The following GPCPD1 variants were observed in gnomAD, a reference collection of about 807,000 sequenced individuals.
GPCPD1 encodes glycerophosphocholine phosphodiesterase GPCPD1.
In GPCPD1, 29 loss-of-function variants were observed where a neutral mutation model predicts 89.2. That is an observed-to-expected ratio of 0.33 (90% CI 0.24 to 0.44). The LOEUF (loss-of-function observed/expected upper bound fraction) is 0.44, where lower values mean the gene tolerates loss of function less well. Among genes scored for constraint, GPCPD1 ranks in the 20% least tolerant of loss-of-function variants. The probability of loss-of-function intolerance (pLI) is 1.00; values close to 1 mark genes in which losing one functional copy is unlikely to be tolerated. For synonymous variants in GPCPD1, 258 were observed against 266.3 expected, an observed-to-expected ratio of 0.97 and a Z score of 0.30; for missense variants, 594 against 808.9, an observed-to-expected ratio of 0.73 and a Z score of 3.22.
At chr20:5,568,708 C>T (rs1198615882) in intron 12 of GPCPD1, among the ~76,000 whole-genome samples, 1 of 152,060 alleles carries the variant, frequency 6.6e-6, no homozygotes, top group African/African-American at 2.4e-5. Context: ...AGTTTGAGAC[C>T]AGCCTGGCCA....
intron 1 of GPCPD1, among the ~76,000 whole-genome samples, chr20:5,608,260 G>A (rs1408038430): frequency 1.3e-5 from 2 of 152,134 alleles, no homozygotes; most frequent in Non-Finnish European, 2.9e-5. Context: ...GTAAACAGCT[G>A]CAGTAAATGT....
chr20:5,572,805 T>TA (rs746196541), intron 11 of GPCPD1, among the ~76,000 whole-genome samples: 59 of 92,966 alleles, frequency 6.3e-4, no homozygotes, highest in South Asian at 2.6e-3. Flanking sequence ...CTAACTGGAT[T>TA]AAAAAAAAAA....
At position 5,576,419 on chromosome 20, in the gene GPCPD1, C is replaced by CAA. The variant is rs11286776; in HGVS notation, c.706-443_706-442dup. ...TGGACAACAGAGCAACACTCCATCTCAAAAAAAAAAAAAAAAAAAAATTCA... is the reference window on the plus strand; with the variant it reads ...TGGACAACAGAGCAACACTCCATCTCAAAAAAAAAAAAAAAAAAAAAAATTCA... On this transcript the variant is annotated intron_variant, in intron 8 of 19. Transcript: ENST00000379019. Among the ~76,000 whole-genome samples the CAA allele has an allele frequency of 7.9e-3, 720 of 90,716 alleles. 4 individuals carry two copies. The highest frequency in any genetic ancestry group is 0.011 in the Non-Finnish European group (533 of 46,684). 59.5% of individuals were successfully genotyped at this position (90,716 alleles called of 152,430 possible).
At position 5,555,089 on chromosome 20, in the gene GPCPD1, T is replaced by C. The variant is rs557309446; in HGVS notation, c.1829+2856A>G. Among the ~76,000 whole-genome samples the C allele has an allele frequency of 4.6e-5, 7 of 152,302 alleles. No individual in the cohort carries two copies. The South Asian group carries it at 1.4e-3, about 32-fold the overall frequency. ...TTAACAGACGAGGAGTTGCTTCTTATGGATGAGGAAAGAAAATGGTTTTTT... is the reference window on the plus strand; with the variant it reads ...TTAACAGACGAGGAGTTGCTTCTTACGGATGAGGAAAGAAAATGGTTTTTT... On this transcript the variant is annotated intron_variant, in intron 19 of 19. Transcript: ENST00000379019.
At chr20:5,604,940 A>G (rs960210264) in intron 1 of GPCPD1, among the ~76,000 whole-genome samples, 2 of 152,120 alleles carry the variant, frequency 1.3e-5, no homozygotes, top group African/African-American at 4.8e-5. Context: ...GCCACAGAGC[A>G]AGACCCTGTC....
chr20:5,555,957 C>T (rs1985742322), intron 19 of GPCPD1, among the ~76,000 whole-genome samples: 1 of 152,164 alleles, frequency 6.6e-6, no homozygotes, highest in African/African-American at 2.4e-5. Context: ...GAAGAGTCCA[C>T]GGGTACAGCA....
chr20:5,577,396 G>A (rs1978295380), intron 8 of GPCPD1, among the ~76,000 whole-genome samples: 1 of 151,086 alleles, frequency 6.6e-6, no homozygotes, highest in African/African-American at 2.4e-5. Context: ...GCTGAGGCAT[G>A]AGGATCACTT....
intron 8 of GPCPD1, among the ~76,000 whole-genome samples, chr20:5,577,068 T>TGG (rs1978292074): frequency 2.9e-5 from 4 of 136,464 alleles, no homozygotes; most frequent in Admixed American, 2.2e-4. Context: ...TTTTTTTGTT[T>TGG]TTTTTTTTTT....
chr20:5,589,963 CATGTA>C (rs1979211233), intron 4 of GPCPD1, among the ~76,000 whole-genome samples: 1 of 152,146 alleles, frequency 6.6e-6, no homozygotes. Context: ...TGTTTCCAAA[CATGTA>C]TATTAACAAA....
chr20:5,556,050 T>G (rs749538162), intron 19 of GPCPD1, among the ~76,000 whole-genome samples: 14 of 152,114 alleles, frequency 9.2e-5, no homozygotes, highest in Non-Finnish European at 1.3e-4. Flanking sequence ...TCAGCAGCCA[T>G]CAACATCAAA....
chr20:5,591,843 C>T (rs529264378), intron 4 of GPCPD1, among the ~76,000 whole-genome samples: 1 of 152,278 alleles, frequency 6.6e-6, no homozygotes, highest in East Asian at 1.9e-4. Context: ...CTTACCATGG[C>T]AGCCCCTGCA....
intron 12 of GPCPD1, among the ~76,000 whole-genome samples, chr20:5,568,120 T>C (rs1568653196): frequency 6.6e-6 from 1 of 151,914 alleles, no homozygotes; most frequent in East Asian, 1.9e-4. Context: ...AAATCTGTTG[T>C]ATTAGGTTTT....
intron 6 of GPCPD1, among the ~76,000 whole-genome samples, chr20:5,581,565 C>T (rs1034591278): frequency 2.6e-5 from 4 of 152,112 alleles, no homozygotes; most frequent in African/African-American, 9.7e-5. Context: ...GAGTCAGAGC[C>T]ATATTCTCAA....
Position 5,586,521 on chromosome 20 carries a change from C to T in GPCPD1, c.232-252G>A, listed in dbSNP as rs951250410. ...ACTGGCACACAGAACTGTCTCAAAC[C>T]CATTCCTAAATCTGCCTACAATACT... is the stretch of plus-strand genomic sequence containing the variant. On this transcript the variant is annotated intron_variant, in intron 4 of 19. Transcript: ENST00000379019. Among the ~76,000 whole-genome samples, 28 of 152,076 alleles carry T rather than the reference C, an allele frequency of 1.8e-4. 1 individual carries two copies. Among genetic ancestry groups the T allele is most frequent in the Non-Finnish European group, 1.3e-4 (9 of 68,006 alleles).
intron 4 of GPCPD1, among the ~76,000 whole-genome samples, chr20:5,586,671 C>G (rs1160195110): frequency 1.3e-5 from 2 of 152,136 alleles, no homozygotes; most frequent in African/African-American, 4.8e-5. Flanking sequence ...ACCTCCTGCT[C>G]TATGCATTTA....
intron 15 of GPCPD1, 22 bp from the exon 16 acceptor site, chr20:5,561,552 A>G (rs750927308): frequency 6.7e-7 from 1 of 1,500,562 alleles, no homozygotes; most frequent in Admixed American, 1.7e-5. Context: ...TTTGTTGGTA[A>G]ATTTTGTTTT....
chr20:5,570,484 G>A (rs958201229), intron 11 of GPCPD1, among the ~76,000 whole-genome samples: 1 of 138,672 alleles, frequency 7.2e-6, no homozygotes, highest in African/African-American at 2.7e-5. Context: ...CAGAGGCACC[G>A]CAGTGGCAGT....
At chr20:5,604,527 T>C in intron 1 of GPCPD1, 87 bp from the exon 2 acceptor site, 1 of 560,870 alleles carries the variant, frequency 1.8e-6, no homozygotes. Flanking sequence ...CCAAGAGCTA[T>C]TTATATTTTT....
chr20:5,567,522 T>C lies in GPCPD1; in HGVS notation c.1188A>G (p.Pro396=). ...DADPVELFEI[P]VKELTFDQLQ... ...GTTGGTCAAATGTTAATTCTTTTAC[T>C]GGAATTTCAAATAATTCAACTGGAT... The change falls in exon 13 of 20, where the codon CCA becomes CCG. Residue 396 remains proline (P), a synonymous_variant. Transcript: ENST00000379019. 1 of 1,558,746 alleles carries C rather than the reference T, an allele frequency of 6.4e-7. No homozygotes were observed. Among genetic ancestry groups the C allele is most frequent in the South Asian group, 1.2e-5 (1 of 80,884 alleles).
Sources: allele counts gnomAD v4.1 joint callset (sites outside exome capture counted in the v4.1 genomes callset), GRCh38; gene constraint gnomAD v4.1.1; transcripts MANE v1.5; gene names NCBI Gene and HGNC (gene_info 2026-07-23, HGNC 2026-07-21).